The following SEMA3C variants were observed in gnomAD, a reference collection of about 807,000 sequenced individuals.
The protein encoded by SEMA3C is semaphorin 3C, also known as semaphorin-3C.
Under a neutral mutation model 89.4 loss-of-function variants are expected in SEMA3C, and 47 were observed. That is an observed-to-expected ratio of 0.53 (90% CI 0.42 to 0.67). SEMA3C has a LOEUF of 0.67. SEMA3C is among the 30% of genes least tolerant of loss of function. SEMA3C has a pLI of 0.00. For synonymous variants in SEMA3C, 310 were observed against 320.2 expected (o/e 0.97, Z 0.34); for missense variants, 839 against 929.1 (o/e 0.90, Z 1.26).
chr7:80,902,554 T>C (rs572550171), intron 2 of SEMA3C, among the ~76,000 whole-genome samples: 9 of 152,326 alleles, frequency 5.9e-5, no homozygotes, highest in African/African-American at 2.2e-4. Context: ...ATTAAATTGA[T>C]CACATAAACA....
At chr7:80,770,146 T>C (rs997130764) in intron 12 of SEMA3C, among the ~76,000 whole-genome samples, 10 of 152,198 alleles carry the variant, frequency 6.6e-5, no homozygotes, top group Admixed American at 1.3e-4. Flanking sequence ...CAAACATACA[T>C]AGGCATTGGA....
chr7:80,877,065 C>A (rs185344113), intron 2 of SEMA3C, among the ~76,000 whole-genome samples: 1 of 152,280 alleles, frequency 6.6e-6, no homozygotes, highest in Non-Finnish European at 1.5e-5. Context: ...TAGATGGTCA[C>A]TAGTTAACGA....
chr7:80,830,042 C>T (rs1191860738), intron 2 of SEMA3C, among the ~76,000 whole-genome samples: 1 of 152,182 alleles, frequency 6.6e-6, no homozygotes, highest in East Asian at 1.9e-4. Context: ...GGACTATATT[C>T]CATGAGTACT....
chr7:80,916,263 C>CA (rs948153963), intron 2 of SEMA3C, among the ~76,000 whole-genome samples: 2 of 152,040 alleles, frequency 1.3e-5, no homozygotes, highest in African/African-American at 4.8e-5. Context: ...GACTAATGCC[C>CA]AAAAAATTAA....
At chr7:80,872,381 G>C (rs1268527108) in intron 2 of SEMA3C, among the ~76,000 whole-genome samples, 2 of 152,026 alleles carry the variant, frequency 1.3e-5, no homozygotes, top group African/African-American at 2.4e-5. Flanking sequence ...TCAAACTCCT[G>C]ACCTCAGGTG....
chr7:80,915,865 C>CAG (rs59337120), intron 2 of SEMA3C: 124,285 of 151,960 alleles, frequency 0.82, 51,506 homozygotes, highest in African/African-American at 0.96. Context: ...AAAGTTTATG[C>CAG]AGAGTTGAAA....
At position 80,744,758 on chromosome 7, in the gene SEMA3C, C is replaced by T. The variant is rs113846518; in HGVS notation, c.*136G>A. ...AAGAAAATGCATGCTCATTTCAGTTCGTGTAAAACTCACTTCAGGAGTAAT... is the reference window on the plus strand; with the variant it reads ...AAGAAAATGCATGCTCATTTCAGTTTGTGTAAAACTCACTTCAGGAGTAAT... On this transcript the variant is annotated 3_prime_UTR_variant, in exon 18 of 18. Coordinates refer to ENST00000265361, the MANE Select transcript of SEMA3C (RefSeq NM_006379.5). The T allele has an allele frequency of 8.1e-4, 724 of 894,988 alleles. 4 individuals are homozygous for T. The African/African-American group carries it at 0.011, about 13-fold the overall frequency. 55.4% of individuals were successfully genotyped at this position (894,988 alleles called of 1,614,324 possible).
chr7:80,841,779 T>C (rs1473492563), intron 2 of SEMA3C, among the ~76,000 whole-genome samples: 1 of 152,142 alleles, frequency 6.6e-6, no homozygotes, highest in Non-Finnish European at 1.5e-5. Context: ...CTATATACCA[T>C]AAAACCTCAA....
upstream of SEMA3C, chr7:80,919,161 C>T (rs1421501395): frequency 3.0e-6 from 3 of 984,742 alleles, no homozygotes; most frequent in Non-Finnish European, 3.6e-6. Flanking sequence ...CTCGCATCAC[C>T]ACCGCGCAGC....
chr7:80,762,235 G>A (rs1370682570), intron 13 of SEMA3C, among the ~76,000 whole-genome samples: 2 of 152,062 alleles, frequency 1.3e-5, no homozygotes, highest in Non-Finnish European at 2.9e-5. Flanking sequence ...ACGGACTCAG[G>A]TGGAGAAAGA....
chr7:80,754,397 C>T (rs1474178207), intron 15 of SEMA3C, among the ~76,000 whole-genome samples: 1 of 152,054 alleles, frequency 6.6e-6, no homozygotes, highest in Non-Finnish European at 1.5e-5. Flanking sequence ...CTATGAAATC[C>T]TCTAAGTGAT....
At position 80,916,792 on chromosome 7, in the gene SEMA3C, A is replaced by T. The variant is rs1200434143; in HGVS notation, c.-11T>A. ...TGTCCGGAATGCCATTTCTTCAGAT[A>T]TGCAAGTTAATATCCAAGGGAAAAT... On this transcript the variant is annotated 5_prime_UTR_variant, in exon 2 of 18. Coordinates refer to ENST00000265361, the MANE Select transcript of SEMA3C (RefSeq NM_006379.5). 3.1e-6 allele frequency: 5 copies of T among 1,613,166 alleles called. No homozygotes were observed. Among genetic ancestry groups the T allele is most frequent in the Non-Finnish European group, 3.4e-6 (4 of 1,179,518 alleles).
intron 5 of SEMA3C, among the ~76,000 whole-genome samples, chr7:80,812,226 G>C (rs1276522338): frequency 6.6e-6 from 1 of 152,048 alleles, no homozygotes; most frequent in Non-Finnish European, 1.5e-5. Flanking sequence ...GAATAATAGA[G>C]CCTAAAAAGA....
intron 6 of SEMA3C, among the ~76,000 whole-genome samples, chr7:80,809,633 G>A (rs772861745): frequency 6.6e-6 from 1 of 152,076 alleles, no homozygotes; most frequent in Non-Finnish European, 1.5e-5. Context: ...GTGTGAGGTG[G>A]TATTTCATTG....
chr7:80,896,095 TTAA>T (rs1791730642), intron 2 of SEMA3C, among the ~76,000 whole-genome samples: 2 of 152,168 alleles, frequency 1.3e-5, no homozygotes, highest in Admixed American at 1.3e-4. Context: ...AAGCATGATA[TTAA>T]TATCTAATAT....
chr7:80,908,035 A>C (rs142439946), intron 2 of SEMA3C, among the ~76,000 whole-genome samples: 2 of 152,286 alleles, frequency 1.3e-5, no homozygotes, highest in Admixed American at 1.3e-4. Context: ...TATTTATACA[A>C]GCCAATTTTA....
intron 5 of SEMA3C, among the ~76,000 whole-genome samples, chr7:80,811,077 A>G (rs971228975): frequency 5.9e-5 from 9 of 152,210 alleles, no homozygotes; most frequent in African/African-American, 2.2e-4. Flanking sequence ...TAAGGACTAT[A>G]CTATTTTCAA....
intron 2 of SEMA3C, among the ~76,000 whole-genome samples, chr7:80,840,900 T>C (rs1583929626): frequency 6.6e-6 from 1 of 152,298 alleles, no homozygotes; most frequent in East Asian, 1.9e-4. Context: ...AACAATCATG[T>C]AAACTTTGAC....
Position 80,765,890 on chromosome 7 carries a change from T to C in SEMA3C, c.1355-647A>G, listed in dbSNP as rs148765277. ...CCAATGTAACCAGCCAATACATAAG[T>C]TTAAGTTTGATCATTAATATTACTT... is the stretch of plus-strand genomic sequence containing the variant. On this transcript the variant is annotated intron_variant, in intron 12 of 17. Coordinates refer to ENST00000265361, the MANE Select transcript of SEMA3C (RefSeq NM_006379.5). 1.6e-4 allele frequency among the ~76,000 whole-genome samples: 24 copies of C among 152,186 alleles called. No homozygotes were observed. The East Asian group carries it at 4.1e-3, about 26-fold the overall frequency.
Sources: gnomAD v4.1 joint callset for allele counts (sites outside exome capture counted in the v4.1 genomes callset) on GRCh38, gnomAD v4.1.1 for gene constraint, MANE v1.5 for transcripts, NCBI Gene and HGNC (gene_info 2026-07-23, HGNC 2026-07-21) for gene names.